The following DMD variants were observed in gnomAD, a reference collection of about 807,000 sequenced individuals.
DMD encodes the protein dystrophin, also known as mutant dystrophin.
DMD carries 63 observed loss-of-function variants against 330.1 expected under a neutral mutation model. That is an observed-to-expected ratio of 0.19 (90% CI 0.16 to 0.24). The LOEUF (loss-of-function observed/expected upper bound fraction) is 0.24, where lower values mean the gene tolerates loss of function less well. DMD is among the 10% of genes least tolerant of loss of function. The probability of loss-of-function intolerance (pLI) is 1.00; values close to 1 mark genes in which losing one functional copy is unlikely to be tolerated. For missense variants in DMD, 3,344 were observed against 2,684.1 expected (o/e 1.25, Z -5.43); for synonymous variants, 1,223 against 959.8 (o/e 1.27, Z -5.07).
chrX:32,780,344 T>G (rs750775756), intron 7 of DMD, among the ~76,000 whole-genome samples: 1 of 112,223 alleles, frequency 8.9e-6, no homozygotes, highest in Non-Finnish European at 1.9e-5. Flanking sequence ...TATTGAGTTT[T>G]AGATAAAGTT....
intron 1 of DMD, among the ~76,000 whole-genome samples, chrX:33,164,928 CTTTT>C (rs113049352): frequency 2.3e-5 from 2 of 88,181 alleles, no homozygotes. Context: ...TACTTTCTTT[CTTTT>C]TTTTTTTTTT....
intron 9 of DMD, among the ~76,000 whole-genome samples, chrX:32,686,559 C>CA (rs750534167): frequency 0.19 from 5,473 of 28,509 alleles, 414 homozygotes; most frequent in Middle Eastern, 0.26. Flanking sequence ...AACTCCATCT[C>CA]AAAAAAAAAA....
intron 61 of DMD, among the ~76,000 whole-genome samples, chrX:31,331,622 A>G (rs1353304700): frequency 8.9e-6 from 1 of 111,876 alleles, no homozygotes; most frequent in Non-Finnish European, 1.9e-5. Flanking sequence ...ATTCGAACAT[A>G]ATTGGCTGAC....
At chrX:31,312,513 T>A (rs1393592402) in intron 62 of DMD, among the ~76,000 whole-genome samples, 1 of 112,578 alleles carries the variant, frequency 8.9e-6, no homozygotes, top group Non-Finnish European at 1.9e-5. Context: ...TTGATGGGAA[T>A]GTAAATTAGT....
chrX:32,444,274 G>A (rs1028324321), intron 27 of DMD, among the ~76,000 whole-genome samples: 1 of 110,090 alleles, frequency 9.1e-6, no homozygotes, highest in Non-Finnish European at 1.9e-5. Context: ...CATAACAAAC[G>A]GAAACTTAAG....
intron 30 of DMD, among the ~76,000 whole-genome samples, chrX:32,392,159 C>G (rs1219095386): frequency 8.0e-5 from 9 of 111,898 alleles, no homozygotes; most frequent in African/African-American, 2.6e-4. Flanking sequence ...AGCAAAGGTC[C>G]ATGAACAGAG....
At chrX:31,366,507 A>AAAAAAAAAAAAAAAAAAAT (rs1556574494) in intron 60 of DMD, among the ~76,000 whole-genome samples, 1 of 85,919 alleles carries the variant, frequency 1.2e-5, no homozygotes, top group Non-Finnish European at 2.2e-5. Context: ...CATAAAAAAA[A>AAAAAAAAAAAAAAAAAAAT]AAATAAATAA....
intron 15 of DMD, among the ~76,000 whole-genome samples, chrX:32,569,411 G>A (rs1467479416): frequency 9.0e-6 from 1 of 111,657 alleles, no homozygotes; most frequent in Non-Finnish European, 1.9e-5. Flanking sequence ...TGTACTTTGG[G>A]AGGTTGATCT....
At chrX:33,013,337 T>A (rs1204853309) in intron 2 of DMD, among the ~76,000 whole-genome samples, 1 of 111,392 alleles carries the variant, frequency 9.0e-6, no homozygotes, top group Admixed American at 9.6e-5. Flanking sequence ...AAGTTCCCAA[T>A]CCTCACTATT....
intron 9 of DMD, among the ~76,000 whole-genome samples, chrX:32,696,895 T>C (rs1358029691): frequency 1.8e-5 from 2 of 110,961 alleles, no homozygotes; most frequent in African/African-American, 6.6e-5. Flanking sequence ...TCATAACTAT[T>C]TCAAAGCTTA....
intron 1 of DMD, among the ~76,000 whole-genome samples, chrX:33,116,694 G>A (rs933799375): frequency 9.0e-6 from 1 of 111,731 alleles, no homozygotes; most frequent in Non-Finnish European, 1.9e-5. Context: ...GTTTCAAGCC[G>A]TTAGAGAAAG....
chrX:32,422,832 T>C (rs2098195741), intron 29 of DMD, among the ~76,000 whole-genome samples: 1 of 111,360 alleles, frequency 9.0e-6, no homozygotes. Context: ...AATAACAGAT[T>C]TGATTATTCA....
intron 16 of DMD, among the ~76,000 whole-genome samples, chrX:32,555,913 A>G (rs1220280140): frequency 8.9e-6 from 1 of 112,109 alleles, no homozygotes; most frequent in Non-Finnish European, 1.9e-5. Flanking sequence ...GGCATGGGCA[A>G]AGGTTTCATG....
At chrX:32,205,005 T>TCACACACACACA (rs1557210475) in intron 44 of DMD, among the ~76,000 whole-genome samples, 3 of 29,230 alleles carry the variant, frequency 1.0e-4, no homozygotes, top group African/African-American at 3.4e-4. Flanking sequence ...TCTCTCTCTC[T>TCACACACACACA]CACATACACA....
At position 32,880,465 on chromosome X, in the gene DMD, A is replaced by T. The variant is rs113171222; in HGVS notation, c.94-30645T>A. On this transcript the variant is annotated intron_variant, in intron 2 of 78. Transcript: ENST00000357033. ...TGATATCAATTTCAACCCCAATACAACCCTAGCCAAGCAAAATTCGTCTCT... is the reference window on the plus strand; with the variant it reads ...TGATATCAATTTCAACCCCAATACATCCCTAGCCAAGCAAAATTCGTCTCT... Among the ~76,000 whole-genome samples the T allele has an allele frequency of 4.3e-3, 477 of 110,620 alleles. 8 individuals are homozygous for T. The East Asian group carries it at 0.065, about 15-fold the overall frequency.
intron 62 of DMD, among the ~76,000 whole-genome samples, chrX:31,320,630 T>C (rs895607280): frequency 8.9e-6 from 1 of 112,203 alleles, no homozygotes; most frequent in South Asian, 3.7e-4. Flanking sequence ...ATCAAATTAA[T>C]TTGGTTTCCA....
At chrX:31,914,427 A>G (rs1372737089) in intron 47 of DMD, among the ~76,000 whole-genome samples, 2 of 112,383 alleles carry the variant, frequency 1.8e-5, no homozygotes, top group African/African-American at 6.5e-5. Flanking sequence ...AAATATCTGC[A>G]TTCCCATGTT....
intron 44 of DMD, among the ~76,000 whole-genome samples, chrX:32,135,175 T>C (rs1313668181): frequency 8.9e-6 from 1 of 112,434 alleles, no homozygotes; most frequent in Admixed American, 9.4e-5. Context: ...ATTTGAGCTA[T>C]AGATGTGTTT....
chrX:31,805,138 C>T (rs1235084293), intron 50 of DMD, among the ~76,000 whole-genome samples: 1 of 111,728 alleles, frequency 9.0e-6, no homozygotes, highest in African/African-American at 3.3e-5. Flanking sequence ...AAAGAAGGAA[C>T]TGCACCAGTT....
Sources: gnomAD v4.1 joint callset for allele counts (sites outside exome capture counted in the v4.1 genomes callset) on GRCh38, gnomAD v4.1.1 for gene constraint, MANE v1.5 for transcripts, NCBI Gene and HGNC (gene_info 2026-07-23, HGNC 2026-07-21) for gene names.